IMMP2L: variants seen among roughly 807,000 people sequenced by gnomAD.
IMMP2L encodes inner mitochondrial membrane peptidase subunit 2, also known as mitochondrial inner membrane protease subunit 2.
IMMP2L carries 18 observed loss-of-function variants against 19.3 expected under a neutral mutation model. The observed-to-expected ratio is 0.93, with a 90% CI of 0.64 to 1.38. The LOEUF (loss-of-function observed/expected upper bound fraction) is 1.38. Ranked by LOEUF, IMMP2L falls within the 40% of genes most tolerant of loss-of-function variation. The probability of loss-of-function intolerance (pLI) is 0.00; values close to 1 mark genes in which losing one functional copy is unlikely to be tolerated. For missense variants in IMMP2L, 233 were observed against 218.2 expected (o/e 1.07, Z -0.43); for synonymous variants, 76 against 73.0 (o/e 1.04, Z -0.21).
chr7:111,000,227 C>T (rs1377666588), intron 3 of IMMP2L, among the ~76,000 whole-genome samples: 2 of 152,160 alleles, frequency 1.3e-5, no homozygotes, highest in Admixed American at 6.5e-5. Flanking sequence ...ACCTTGCTGA[C>T]TATCAGCCCA....
intron 5 of IMMP2L, among the ~76,000 whole-genome samples, chr7:110,668,061 T>A (rs1472967363): frequency 6.6e-6 from 1 of 152,128 alleles, no homozygotes; most frequent in African/African-American, 2.4e-5. Flanking sequence ...CTCAACAATA[T>A]ATCCTGTAAG....
intron 5 of IMMP2L, among the ~76,000 whole-genome samples, chr7:110,733,501 G>A (rs761756893): frequency 5.4e-5 from 8 of 149,316 alleles, no homozygotes; most frequent in East Asian, 2.1e-4. Context: ...AGCTAAAAAT[G>A]TGTGTATTTC....
intron 3 of IMMP2L, among the ~76,000 whole-genome samples, chr7:111,114,804 A>T (rs1306453822): frequency 6.6e-6 from 1 of 152,080 alleles, no homozygotes; most frequent in Non-Finnish European, 1.5e-5. Context: ...AGAATATTTA[A>T]GGGTTACTAC....
intron 3 of IMMP2L, among the ~76,000 whole-genome samples, chr7:111,066,936 T>C (rs1395491075): frequency 1.3e-5 from 2 of 152,220 alleles, no homozygotes; most frequent in Non-Finnish European, 2.9e-5. Flanking sequence ...TGATTGTATA[T>C]GGAGCCTCAG....
intron 5 of IMMP2L, among the ~76,000 whole-genome samples, chr7:110,729,087 G>A (rs1331176839): frequency 3.9e-5 from 6 of 152,068 alleles, no homozygotes; most frequent in Non-Finnish European, 8.8e-5. Context: ...GTTTCACCAT[G>A]TTGGTCAGGC....
intron 5 of IMMP2L, among the ~76,000 whole-genome samples, chr7:110,809,968 A>C (rs756084510): frequency 6.6e-6 from 1 of 152,070 alleles, no homozygotes; most frequent in African/African-American, 2.4e-5. Context: ...TTGCATTATG[A>C]AAAACACGAA....
chr7:111,474,460 G>C (rs1322004473), intron 3 of IMMP2L, among the ~76,000 whole-genome samples: 3 of 151,634 alleles, frequency 2.0e-5, no homozygotes, highest in Non-Finnish European at 2.9e-5. Context: ...AACTGCAGGA[G>C]GTTAAGTTCA....
intron 3 of IMMP2L, among the ~76,000 whole-genome samples, chr7:111,352,601 C>T (rs1202397356): frequency 2.0e-5 from 3 of 152,074 alleles, no homozygotes; most frequent in African/African-American, 7.2e-5. Context: ...TCTAGATAAG[C>T]TTACATCATT....
chr7:111,522,480 T>TA (rs1210109832), intron 1 of IMMP2L, among the ~76,000 whole-genome samples: 2 of 151,726 alleles, frequency 1.3e-5, no homozygotes, highest in Non-Finnish European at 2.9e-5. Context: ...ACAACCCAAT[T>TA]AAAAAATGCC....
At chr7:111,195,882 A>G (rs1244855976) in intron 3 of IMMP2L, among the ~76,000 whole-genome samples, 1 of 69,084 alleles carries the variant, frequency 1.4e-5, no homozygotes, top group Admixed American at 1.6e-4. Context: ...ATTTCATTTC[A>G]TTTTATTTTA....
At chr7:111,345,593 A>C (rs1257186098) in intron 3 of IMMP2L, among the ~76,000 whole-genome samples, 2 of 152,028 alleles carry the variant, frequency 1.3e-5, no homozygotes, top group Non-Finnish European at 2.9e-5. Flanking sequence ...GTCCAGGTGG[A>C]ATATGCTTGA....
At chr7:111,138,636 C>T (rs2129597153) in intron 3 of IMMP2L, among the ~76,000 whole-genome samples, 1 of 152,038 alleles carries the variant, frequency 6.6e-6, no homozygotes, top group African/African-American at 2.4e-5. Context: ...AAATGGCTCA[C>T]AATAAATCAA....
chr7:110,800,722 C>T (rs750703834), intron 5 of IMMP2L, among the ~76,000 whole-genome samples: 1 of 152,034 alleles, frequency 6.6e-6, no homozygotes, highest in Non-Finnish European at 1.5e-5. Flanking sequence ...AGGACATGCG[C>T]ACATTTTCTT....
chr7:111,485,529 CG>C lies in IMMP2L; in HGVS notation c.239+1708del, dbSNP rs1042279165. 2.6e-5 allele frequency among the ~76,000 whole-genome samples: 3 copies of C among 116,948 alleles called. No individual in the cohort carries two copies. The Admixed American group carries it at 3.8e-4, about 15-fold the overall frequency. The allele number at this position is 116,948 out of a possible 152,430, so 76.7% of individuals were successfully genotyped here. On this transcript the variant is annotated intron_variant, in intron 3 of 5. Coordinates refer to ENST00000405709, the MANE Select transcript of IMMP2L (RefSeq NM_032549.4). ...AGGAGAATGGCCTGAACCCAGGAGG[CG>C]GGGCTTGCAGTGAGCCGAGATCCCG...
At chr7:111,485,612 A>AC (rs1399995895) in intron 3 of IMMP2L, among the ~76,000 whole-genome samples, 24 of 149,946 alleles carry the variant, frequency 1.6e-4, no homozygotes, top group African/African-American at 5.6e-4. Flanking sequence ...AAAAAAAAAA[A>AC]AAAAAAAAAA....
At chr7:110,872,960 T>C (rs567702993) in intron 5 of IMMP2L, among the ~76,000 whole-genome samples, 1 of 152,316 alleles carries the variant, frequency 6.6e-6, no homozygotes. Flanking sequence ...GTCTCATGAT[T>C]GAAACCACCT....
At chr7:111,543,311 G>A (rs922258702) in intron 1 of IMMP2L, among the ~76,000 whole-genome samples, 5 of 151,988 alleles carry the variant, frequency 3.3e-5, no homozygotes, top group East Asian at 1.9e-4. Flanking sequence ...TGTGCTCTCC[G>A]TTTCAAATAC....
At chr7:111,087,476 G>T (rs1214300835) in intron 3 of IMMP2L, among the ~76,000 whole-genome samples, 1 of 148,714 alleles carries the variant, frequency 6.7e-6, no homozygotes, top group African/African-American at 2.5e-5. Flanking sequence ...AAAAAACAAC[G>T]AAACACTAGA....
Position 111,521,379 on chromosome 7 carries a change from C to G in IMMP2L, c.69G>C (p.Val23=), listed in dbSNP as rs1203094541. Residue 23 remains valine, a synonymous_variant, in exon 2 of 6, where the codon GTG becomes GTC. Transcript: ENST00000405709. The part of the protein sequence containing the change: ...KAFCKGFFVA[V]PVAVTFLDRV... ...GATCCAAGAAAGTCACTGCCACAGGCACCGCCACAAAGAAGCCTTTACAAA... is the reference window on the plus strand; with the variant it reads ...GATCCAAGAAAGTCACTGCCACAGGGACCGCCACAAAGAAGCCTTTACAAA... The G allele has an allele frequency of 7.4e-6, 12 of 1,613,068 alleles. No individual in the cohort carries two copies. The highest frequency in any genetic ancestry group is 8.5e-6 in the Non-Finnish European group (10 of 1,179,462).
Sources: gnomAD v4.1 joint callset for allele counts (sites outside exome capture counted in the v4.1 genomes callset) on GRCh38, gnomAD v4.1.1 for gene constraint, MANE v1.5 for transcripts, NCBI Gene and HGNC (gene_info 2026-07-23, HGNC 2026-07-21) for gene names.